Variants in NLRP11 observed in about 807,000 individuals in gnomAD.
NLRP11 encodes the protein NLR family pyrin domain containing 11.
NLRP11 carries 53 observed loss-of-function variants against 79.3 expected under a neutral mutation model. That is an observed-to-expected ratio of 0.67 (90% CI 0.54 to 0.84). The LOEUF (loss-of-function observed/expected upper bound fraction) is 0.84. Among genes scored for constraint, NLRP11 ranks in the 40% least tolerant of loss-of-function variants. The pLI, the probability that NLRP11 is intolerant of heterozygous loss-of-function variation, is 0.00. For synonymous variants in NLRP11, 518 were observed against 462.6 expected (o/e 1.12, Z -1.54); for missense variants, 1,264 against 1,255.0 (o/e 1.01, Z -0.11).
chr19:55,807,805 C>A, intron 4 of NLRP11, 48 bp downstream of exon 4: 2 of 1,340,892 alleles, frequency 1.5e-6, no homozygotes, highest in Non-Finnish European at 2.1e-6. Flanking sequence ...AAAAGACCAC[C>A]GTTATTCCTA....
intron 6 of NLRP11, among the ~76,000 whole-genome samples, chr19:55,792,694 C>A (rs1978394014): frequency 6.6e-6 from 1 of 152,250 alleles, no homozygotes. Flanking sequence ...TGAGAAAAAT[C>A]TAACTCCAAC....
chr19:55,790,647 A>G (rs1391496273), intron 7 of NLRP11, among the ~76,000 whole-genome samples: 1 of 152,202 alleles, frequency 6.6e-6, no homozygotes, highest in Non-Finnish European at 1.5e-5. Flanking sequence ...ATTAAAGCAG[A>G]TTCCAGAAGA....
intron 5 of NLRP11, chr19:55,798,259 A>T (rs1024437685): frequency 1.1e-6 from 1 of 927,112 alleles, no homozygotes. Flanking sequence ...CGGCCTCCCA[A>T]AGTGTTGGGA....
rs1982474048 is a variant in NLRP11 at position 55,828,830 on chromosome 19, T to C, written c.-63+3133A>G. On this transcript the variant is annotated intron_variant, in intron 1 of 9. Coordinates refer to ENST00000589093, the Ensembl canonical transcript of NLRP11. ...TAAGGAATGTTCCATAAGCTTTACG[T>C]GTCGTGACTCTGGGGCTTAATAAAA... 2.6e-5 allele frequency among the ~76,000 whole-genome samples: 4 copies of C among 152,210 alleles called. No homozygotes were observed. The South Asian group carries it at 8.3e-4, about 32-fold the overall frequency.
At chr19:55,818,273 CA>C in intron 1 of NLRP11, 37 bp from the exon 2 acceptor site, 1 of 900,382 alleles carries the variant, frequency 1.1e-6, no homozygotes, top group South Asian at 1.7e-5. Flanking sequence ...TCAAACCACA[CA>C]GTAATGCCAA....
At chr19:55,829,947 G>A (rs1340526812) in intron 1 of NLRP11, among the ~76,000 whole-genome samples, 2 of 152,116 alleles carry the variant, frequency 1.3e-5, no homozygotes, top group African/African-American at 4.8e-5. Context: ...CATCTATATT[G>A]ATTGCATTCA....
chr19:55,790,724 G>A (rs1237162557), intron 7 of NLRP11, among the ~76,000 whole-genome samples: 1 of 152,224 alleles, frequency 6.6e-6, no homozygotes, highest in Non-Finnish European at 1.5e-5. Context: ...CTACTCAGGA[G>A]GCTGAGACAG....
chr19:55,828,735 T>A (rs76032036), intron 1 of NLRP11, among the ~76,000 whole-genome samples: 13,282 of 152,262 alleles, frequency 0.087, 860 homozygotes, highest in East Asian at 0.23. Flanking sequence ...TTTTAAGGAA[T>A]GATTGGGACT....
At chr19:55,787,953 T>C (rs1310871758) in intron 9 of NLRP11, among the ~76,000 whole-genome samples, 2 of 152,182 alleles carry the variant, frequency 1.3e-5, no homozygotes, top group African/African-American at 4.8e-5. Context: ...GATTTGACCC[T>C]AGCCCTGGAT....
chr19:55,815,518 G>T (rs1207949693), intron 2 of NLRP11, among the ~76,000 whole-genome samples: 1 of 108,776 alleles, frequency 9.2e-6, no homozygotes, highest in Non-Finnish European at 1.7e-5. Flanking sequence ...AATGGAACAA[G>T]ACTCCATCTC....
chr19:55,794,498 C>T (rs1029624046), intron 6 of NLRP11, among the ~76,000 whole-genome samples: 3 of 152,188 alleles, frequency 2.0e-5, no homozygotes, highest in Non-Finnish European at 4.4e-5. Context: ...CAGTGGCTCA[C>T]ATCTGTAATC....
intron 4 of NLRP11, among the ~76,000 whole-genome samples, chr19:55,807,402 T>A (rs299166): frequency 0.4 from 60,175 of 151,964 alleles, 12,218 homozygotes; most frequent in Non-Finnish European, 0.44. Context: ...CCTGACCCAT[T>A]TTTGCTTTCT....
chr19:55,796,013 GA>G, intron 6 of NLRP11, 66 bp downstream of exon 6: 1 of 1,406,242 alleles, frequency 7.1e-7, no homozygotes, highest in Non-Finnish European at 9.9e-7. Flanking sequence ...ACTGCTCTTT[GA>G]TCATGTGCTT....
chr19:55,814,212 G>A (rs1980869567), intron 2 of NLRP11, among the ~76,000 whole-genome samples: 1 of 152,114 alleles, frequency 6.6e-6, no homozygotes, highest in Non-Finnish European at 1.5e-5. Context: ...CTCCTTATGA[G>A]AATCTAATGC....
In NLRP11 at chr19:55,804,923, C is replaced by T. The variant is rs572612299; in HGVS notation, c.2003+2930G>A. Among the ~76,000 whole-genome samples, 19 of 152,098 alleles carry T rather than the reference C, an allele frequency of 1.2e-4. No homozygotes were observed. In the East Asian group the frequency reaches 1.5e-3, roughly 12 times the overall value. On this transcript the variant is annotated intron_variant, in intron 4 of 9. Coordinates refer to ENST00000589093, the Ensembl canonical transcript of NLRP11. ...ATTTAAAATACAAAAATTAGCCAGG[C>T]GTGGTGGCGTGCACCTCTAGTCCCA...
At chr19:55,793,556 CAAAAAAAAAAAAA>C (rs59605427) in intron 6 of NLRP11, among the ~76,000 whole-genome samples, 28 of 35,692 alleles carry the variant, frequency 7.8e-4, no homozygotes, top group Middle Eastern at 0.045. Context: ...TGACTGTCTC[CAAAAAAAAAAAAA>C]AAAAAAAAAA....
At position 55,809,371 on chromosome 19, in the gene NLRP11, A is replaced by G; in HGVS notation, c.1239T>C (p.Ser413=). 1 of 1,614,134 alleles carries G rather than the reference A, an allele frequency of 6.2e-7. No homozygotes were observed. The highest frequency in any genetic ancestry group is 1.3e-5 in the African/African-American group (1 of 75,036). Residue 413 remains serine, a synonymous_variant, in exon 3 of 10, where the codon AGT becomes AGC. Transcript: ENST00000589093. This position sits in a 1 kb window ranked among gnomAD's most constrained non-coding sequence, Gnocchi z 4.5. ...ACCCAACACATCTGAGGTCTTCACC[A>G]CTGAAATTCAGGGTGCTCAGAAACA...
chr19:55,830,208 G>A (rs2616943), intron 1 of NLRP11, among the ~76,000 whole-genome samples: 68,118 of 151,848 alleles, frequency 0.45, 17,038 homozygotes, highest in African/African-American at 0.68. Context: ...TTAGGGATTA[G>A]TAAGTTAAGC....
chr19:55,792,364 T>G (rs1025272758), exon 7 of NLRP11: 1 of 1,614,164 alleles, frequency 6.2e-7, no homozygotes, highest in Non-Finnish European at 8.5e-7. Flanking sequence ...CACTCCGTAA[T>G]TTTTTAAGCG....
Sources: allele counts gnomAD v4.1 joint callset (sites outside exome capture counted in the v4.1 genomes callset), GRCh38; gene constraint gnomAD v4.1.1; non-coding constraint Gnocchi (gnomAD v3.1); transcripts MANE v1.5; gene names NCBI Gene and HGNC (gene_info 2026-07-23, HGNC 2026-07-21).